NBPF9: variants seen among roughly 807,000 people sequenced by gnomAD.
NBPF9 encodes NBPF member 9.
Under a neutral mutation model 97.8 loss-of-function variants are expected in NBPF9, and 91 were observed. That is an observed-to-expected ratio of 0.93 (90% CI 0.79 to 1.11). The LOEUF (loss-of-function observed/expected upper bound fraction) is 1.11, where lower values mean the gene tolerates loss of function less well. Among genes scored for constraint, NBPF9 ranks in the 50% least tolerant of loss-of-function variants. The pLI is 0.00. For missense variants in NBPF9, 992 were observed against 939.5 expected, an observed-to-expected ratio of 1.06 and a Z score of -0.73; for synonymous variants, 334 against 359.5, an observed-to-expected ratio of 0.93 and a Z score of 0.80.
At chr1:149,059,910 A>G (rs2078489196) in intron 24 of NBPF9, 102 bp from the exon 25 acceptor site, 2 of 468,844 alleles carry the variant, frequency 4.3e-6, no homozygotes, top group Non-Finnish European at 3.9e-6. Flanking sequence ...GCTCCTCAGC[A>G]TAAGAATAGG....
At chr1:149,088,583 C>T (rs1282184073) in intron 5 of NBPF9, among the ~76,000 whole-genome samples, 1 of 152,114 alleles carries the variant, frequency 6.6e-6, no homozygotes, top group African/African-American at 2.4e-5. Context: ...CTGTTCTCAT[C>T]ATGCTGAGCA....
At chr1:149,071,524 T>G in intron 15 of NBPF9, 80 bp downstream of exon 15, 1 of 1,052,530 alleles carries the variant, frequency 9.5e-7, no homozygotes, top group Non-Finnish European at 1.4e-6. Context: ...TGGCCCATCA[T>G]AGATGCCAGA....
At chr1:149,070,967 C>A in exon 16 of NBPF9, 1 of 1,612,692 alleles carries the variant, frequency 6.2e-7, no homozygotes. Context: ...TCCCGTTCAA[C>A]ATGAGAGGAT....
At chr1:149,055,877 C>T in exon 30 of NBPF9, 8 of 1,610,950 alleles carry the variant, frequency 5.0e-6, no homozygotes, top group Non-Finnish European at 6.8e-6. Context: ...GGCTCTTCCA[C>T]TTCCATCAGC....
At chr1:149,097,783 C>G (rs1440131033) in intron 4 of NBPF9, among the ~76,000 whole-genome samples, 28 of 152,126 alleles carry the variant, frequency 1.8e-4, no homozygotes, top group Admixed American at 1.5e-3. Context: ...CCCATGAATG[C>G]TCAGTGAAAG....
chr1:149,078,924 C>T (rs1488524978), intron 9 of NBPF9, 83 bp downstream of exon 9: 2 of 1,565,222 alleles, frequency 1.3e-6, no homozygotes, highest in Non-Finnish European at 8.8e-7. Context: ...CCCACTGATA[C>T]AACTGTCATT....
exon 30 of NBPF9, chr1:149,055,344 C>A: frequency 3.6e-6 from 2 of 561,006 alleles, no homozygotes; most frequent in Non-Finnish European, 6.1e-6. Flanking sequence ...AGCTCAGAGA[C>A]ATGTCTGCAA....
At chr1:149,099,819 C>T (rs322082) in intron 3 of NBPF9, among the ~76,000 whole-genome samples, 6,052 of 151,134 alleles carry the variant, frequency 0.04, 366 homozygotes, top group African/African-American at 0.14. Flanking sequence ...ACCCTGTCTA[C>T]AAAAAATAGA....
intron 3 of NBPF9, among the ~76,000 whole-genome samples, chr1:149,100,438 T>C (rs2082072966): frequency 1.5e-5 from 2 of 136,672 alleles, no homozygotes; most frequent in South Asian, 5.6e-4. Context: ...CATTTATTTA[T>C]TATTTTTATT....
At chr1:149,097,057 G>A (rs1209007396) in intron 4 of NBPF9, among the ~76,000 whole-genome samples, 1 of 147,536 alleles carries the variant, frequency 6.8e-6, no homozygotes, top group Admixed American at 6.8e-5. Context: ...AAGAATGGAG[G>A]GAGGGAAGGA....
At chr1:149,065,659 G>C in exon 18 of NBPF9, 1 of 1,603,716 alleles carries the variant, frequency 6.2e-7, no homozygotes, top group Non-Finnish European at 8.5e-7. Context: ...ACTCCTGGGG[G>C]ACTTCCTCCT....
exon 30 of NBPF9, chr1:149,055,413 T>C: frequency 2.9e-6 from 2 of 679,742 alleles, no homozygotes; most frequent in Admixed American, 3.0e-5. Flanking sequence ...AATTAAAATG[T>C]CTGACTGATC....
intron 7 of NBPF9, among the ~76,000 whole-genome samples, 193 bp downstream of exon 7, chr1:149,081,772 C>T (rs1358716363): frequency 7.6e-6 from 1 of 132,332 alleles, no homozygotes; most frequent in African/African-American, 3.0e-5. Context: ...CATCTGATTG[C>T]AAACATGGAA....
At chr1:149,064,267 A>G (rs1169813147) in intron 19 of NBPF9, among the ~76,000 whole-genome samples, 164 bp downstream of exon 19, 3 of 136,710 alleles carry the variant, frequency 2.2e-5, no homozygotes, top group Non-Finnish European at 4.6e-5. Flanking sequence ...AGAAATGGAA[A>G]CCTAAACATT....
At chr1:149,080,985 A>AC (rs1363582362) in intron 7 of NBPF9, among the ~76,000 whole-genome samples, 2 of 151,650 alleles carry the variant, frequency 1.3e-5, no homozygotes, top group African/African-American at 2.4e-5. Context: ...CCTGCTTTGC[A>AC]CACTGCACTG....
intron 8 of NBPF9, 132 bp downstream of exon 8, chr1:149,079,921 T>G: frequency 1.4e-6 from 1 of 732,870 alleles, no homozygotes; most frequent in Non-Finnish European, 2.4e-6. Context: ...AATATTTGTG[T>G]GTCATGAGCC....
exon 25 of NBPF9, chr1:149,059,771 T>C (rs1313864721): frequency 1.8e-6 from 1 of 565,450 alleles, no homozygotes; most frequent in Admixed American, 2.6e-5. Context: ...TTGATCTTCT[T>C]CCCCTTCTTT....
At chr1:149,086,248 C>T (rs1178448534) in intron 5 of NBPF9, among the ~76,000 whole-genome samples, 8 of 149,854 alleles carry the variant, frequency 5.3e-5, no homozygotes, top group South Asian at 2.1e-4. Flanking sequence ...GTTTCAGTAC[C>T]GACTGAGTGG....
chr1:149,099,229 C>G (rs1281335780), intron 3 of NBPF9, among the ~76,000 whole-genome samples: 7 of 152,228 alleles, frequency 4.6e-5, no homozygotes, highest in African/African-American at 1.7e-4. Flanking sequence ...TCTATCTGTA[C>G]ACGTATATTC....
Sources: gnomAD v4.1 joint callset for allele counts (sites outside exome capture counted in the v4.1 genomes callset) on GRCh38, gnomAD v4.1.1 for gene constraint, MANE v1.5 for transcripts, NCBI Gene and HGNC (gene_info 2026-07-23, HGNC 2026-07-21) for gene names.